The following FRMPD1 variants were observed in gnomAD, a reference collection of about 807,000 sequenced individuals.
FRMPD1 encodes FERM and PDZ domain-containing protein 1.
A neutral mutation model predicts 117.8 loss-of-function variants in FRMPD1; 76 were observed. The observed-to-expected ratio is 0.65, with a 90% CI of 0.54 to 0.78. The LOEUF (loss-of-function observed/expected upper bound fraction) is 0.78, where lower values mean the gene tolerates loss of function less well. Among genes scored for constraint, FRMPD1 ranks in the 30% least tolerant of loss-of-function variants. The probability of loss-of-function intolerance (pLI) is 0.00; values close to 1 mark genes in which losing one functional copy is unlikely to be tolerated. For missense variants in FRMPD1, 1,786 were observed against 1,964.5 expected (o/e 0.91, Z 1.72); for synonymous variants, 783 against 770.4 (o/e 1.02, Z -0.27).
chr9:37,710,884 G>T (rs2118175743), intron 4 of FRMPD1, among the ~76,000 whole-genome samples: 1 of 151,590 alleles, frequency 6.6e-6, no homozygotes, highest in East Asian at 1.9e-4. Context: ...TTTGAACCCG[G>T]GAGGCGGAGG....
chr9:37,740,344 A>G lies in FRMPD1; in HGVS notation c.1816A>G (p.Ser606Gly). Reference sequence around the variant, plus strand: ...CCGCGGCTACAGGACCAGTGGCTCGAGTGAGTCCATGGACGCTCTGGAAGA... The same window carrying G: ...CCGCGGCTACAGGACCAGTGGCTCGGGTGAGTCCATGGACGCTCTGGAAGA... ...ESRGYRTSGS[S>G]ESMDALEEDD... The change falls in exon 15 of 16, where the codon AGT becomes GGT. Residue 606 changes from serine to glycine, a missense_variant. Physicochemically the swap from Ser to Gly is moderately conservative, Grantham distance 56 (BLOSUM62 0). Transcript: ENST00000377765. The surrounding 1 kb of genome is among the most constrained non-coding windows in gnomAD (Gnocchi z 4.2). 6.2e-7 allele frequency: 1 copy of G among 1,613,608 alleles called. No homozygotes were observed. The highest frequency in any genetic ancestry group is 8.5e-7 in the Non-Finnish European group (1 of 1,179,980).
At chr9:37,737,706 C>G (rs1824198018) in intron 14 of FRMPD1, among the ~76,000 whole-genome samples, 1 of 151,828 alleles carries the variant, frequency 6.6e-6, no homozygotes, top group African/African-American at 2.4e-5. Context: ...GCTTGTAATC[C>G]CAGCTACTTG....
At chr9:37,642,418 T>C in the FRMPD1 span, among the ~76,000 whole-genome samples, 1 of 152,156 alleles carries the variant, frequency 6.6e-6, no homozygotes, top group Non-Finnish European at 1.5e-5. Flanking sequence ...TATTATTTAG[T>C]TTCTTTCACT....
intron 2 of FRMPD1, among the ~76,000 whole-genome samples, chr9:37,698,541 CTCATTATCTTTTTTTT>C (rs1446903146): frequency 1.5e-5 from 2 of 133,976 alleles, no homozygotes; most frequent in Non-Finnish European, 3.1e-5. Context: ...TATTATGCAT[CTCATTATCTTTTTTTT>C]TTTTTTTTTT....
Position 37,740,256 on chromosome 9 carries a change from C to G in FRMPD1, c.1728C>G (p.Cys576Trp), listed in dbSNP as rs778039804. ...PEVARRGPST[C>W]GASSTTDSAE... ...TGGCTAGGAGGGGCCCCAGCACCTG[C>G]GGGGCCAGCAGCACGACAGACAGTG... Residue 576 changes from cysteine to tryptophan, a missense_variant, in exon 15 of 16, where the codon TGC becomes TGG. Transcript: ENST00000377765. The surrounding 1 kb of genome is among the most constrained non-coding windows in gnomAD (Gnocchi z 4.2). The G allele has an allele frequency of 6.2e-7, 1 of 1,613,738 alleles. No homozygotes were observed. Among genetic ancestry groups the G allele is most frequent in the South Asian group, 1.1e-5 (1 of 91,076 alleles).
At chr9:37,605,415 A>G in the FRMPD1 span, among the ~76,000 whole-genome samples, 3 of 152,214 alleles carry the variant, frequency 2.0e-5, no homozygotes, top group Admixed American at 6.5e-5. Context: ...TGGGCACTCA[A>G]GAACCCAGAG....
At chr9:37,673,724 T>C (rs1413123661) in intron 1 of FRMPD1, among the ~76,000 whole-genome samples, 2 of 152,258 alleles carry the variant, frequency 1.3e-5, no homozygotes, top group Non-Finnish European at 2.9e-5. Context: ...TCTTGACTTC[T>C]GTGCACCTGC....
intron 1 of FRMPD1, among the ~76,000 whole-genome samples, chr9:37,672,165 T>G (rs1821373534): frequency 6.6e-6 from 1 of 152,228 alleles, no homozygotes. Context: ...TAAAAACCAT[T>G]GACTTGTGTA....
chr9:37,678,666 C>T (rs910398208), intron 1 of FRMPD1, among the ~76,000 whole-genome samples: 1 of 152,136 alleles, frequency 6.6e-6, no homozygotes, highest in Non-Finnish European at 1.5e-5. Context: ...TGATTTTTGT[C>T]TTTTTTGCTC....
Position 37,692,674 on chromosome 9 carries a change from A to G in FRMPD1, c.33A>G (p.Thr11=). Reference sequence around the variant, plus strand: ...AGCTGGAGACCAGTTTATTCCAGACACGGAAAGCACATAGAATAGAACAAA... The same window carrying G: ...AGCTGGAGACCAGTTTATTCCAGACGCGGAAAGCACATAGAATAGAACAAA... MEELETSLFQ[T]RKAHRIEQMV... is the part of the protein sequence containing the mutation. The change falls in exon 2 of 16, where the codon ACA becomes ACG. Residue 11 remains threonine, a synonymous_variant. Coordinates refer to ENST00000377765, the MANE Select transcript of FRMPD1 (RefSeq NM_014907.3). The G allele has an allele frequency of 6.2e-7, 1 of 1,613,918 alleles. No individual in the cohort carries two copies. Among genetic ancestry groups the G allele is most frequent in the Non-Finnish European group, 8.5e-7 (1 of 1,179,788 alleles).
chr9:37,639,605 C>T, the FRMPD1 span, among the ~76,000 whole-genome samples: 8 of 152,184 alleles, frequency 5.3e-5, no homozygotes, highest in Admixed American at 5.2e-4. Flanking sequence ...TAACACCTCT[C>T]AGTAAAAGTA....
Position 37,708,467 on chromosome 9 carries a change from G to A in FRMPD1, c.328G>A (p.Asp110Asn). The A allele has an allele frequency of 6.2e-7, 1 of 1,612,358 alleles. No homozygotes were observed. Among genetic ancestry groups the A allele is most frequent in the Non-Finnish European group, 8.5e-7 (1 of 1,178,374 alleles). ...ILQMNNEPAE[D>N]LSWERAVDIL... ...CCAAATGAACAATGAGCCTGCTGAA[G>A]ACCTTTCCTGGGAACGAGCAGTCGA... Residue 110 changes from aspartate to asparagine, a missense_variant, in exon 4 of 16, where the codon GAC becomes AAC. By Grantham distance (23) the Asp-to-Asn change is conservative. Transcript: ENST00000377765.
At chr9:37,647,809 A>G (rs1437055101), upstream of FRMPD1, among the ~76,000 whole-genome samples, 1 of 152,206 alleles carries the variant, frequency 6.6e-6, no homozygotes, top group Admixed American at 6.5e-5. Flanking sequence ...GATATTTTTG[A>G]CCAGGATTTA....
chr9:37,745,105 G>A lies in FRMPD1; in HGVS notation c.3073G>A (p.Ala1025Thr), dbSNP rs144235249. ...CAGTGGTGACCCTAACCCAGACAGA[G>A]CCTGCCTGGCCAGCAACCCAGGACT... ...LSSGDPNPDRACLASNPGLNN... is the reference protein window; with the variant it reads ...LSSGDPNPDRTCLASNPGLNN... The change falls in exon 16 of 16, where the codon GCC becomes ACC. Residue 1025 changes from alanine to threonine, a missense_variant. Ala to Thr is a moderately conservative substitution (Grantham distance 58). Coordinates refer to ENST00000377765, the MANE Select transcript of FRMPD1 (RefSeq NM_014907.3). The A allele has an allele frequency of 4.8e-4, 781 of 1,613,858 alleles. 8 individuals carry two copies. Among genetic ancestry groups the A allele is most frequent in the South Asian group, 2.6e-3 (239 of 91,086 alleles).
chr9:37,691,295 T>C (rs916960260), intron 1 of FRMPD1, among the ~76,000 whole-genome samples: 2 of 152,214 alleles, frequency 1.3e-5, no homozygotes, highest in Non-Finnish European at 2.9e-5. Flanking sequence ...TATTTCCATA[T>C]TTTCAACCTT....
chr9:37,681,496 A>G (rs1013359927), intron 1 of FRMPD1, among the ~76,000 whole-genome samples: 2 of 152,232 alleles, frequency 1.3e-5, no homozygotes, highest in African/African-American at 4.8e-5. Context: ...AAAGTGTCAT[A>G]GCAATCTGAA....
At chr9:37,681,883 G>T (rs1350128628) in intron 1 of FRMPD1, among the ~76,000 whole-genome samples, 1 of 152,222 alleles carries the variant, frequency 6.6e-6, no homozygotes, top group East Asian at 1.9e-4. Context: ...TCCATACGAA[G>T]TTAGAAAACA....
intron 5 of FRMPD1, among the ~76,000 whole-genome samples, chr9:37,716,687 G>A (rs796891841): frequency 2.6e-5 from 4 of 152,252 alleles, no homozygotes; most frequent in African/African-American, 9.6e-5. Flanking sequence ...GGGGTTGGTG[G>A]TTGTACCTGT....
intron 9 of FRMPD1, 104 bp from the exon 10 acceptor site, chr9:37,732,200 C>A: frequency 8.4e-7 from 1 of 1,192,824 alleles, no homozygotes; most frequent in Non-Finnish European, 1.2e-6. Flanking sequence ...TCAGAGCCAG[C>A]TCTCAAAGCG....
Sources: allele counts gnomAD v4.1 joint callset (sites outside exome capture counted in the v4.1 genomes callset), GRCh38; gene constraint gnomAD v4.1.1; non-coding constraint Gnocchi (gnomAD v3.1); transcripts MANE v1.5; gene names NCBI Gene and HGNC (gene_info 2026-07-23, HGNC 2026-07-21).